Variants in TMEM165 observed in about 807,000 individuals in gnomAD.
TMEM165 encodes the protein putative divalent cation/proton antiporter TMEM165.
In TMEM165, 19 loss-of-function variants were observed where a neutral mutation model predicts 30.0. The observed-to-expected ratio is 0.63, with a 90% confidence interval of 0.44 to 0.93. The LOEUF (loss-of-function observed/expected upper bound fraction) is 0.93. TMEM165 is among the 40% of genes least tolerant of loss of function. TMEM165 has a pLI of 0.00. For missense variants in TMEM165, 340 were observed against 417.0 expected (o/e 0.82, Z 1.61); for synonymous variants, 168 against 162.9 (o/e 1.03, Z -0.24).
intron 2 of TMEM165, chr4:55,412,619 T>C (rs904237163): frequency 4.6e-5 from 7 of 152,102 alleles, no homozygotes; most frequent in Non-Finnish European, 7.4e-5. Flanking sequence ...AAATTTTTGC[T>C]TCAAAATTTA....
intron 1 of TMEM165, among the ~76,000 whole-genome samples, chr4:55,398,710 G>A (rs1578225752): frequency 6.6e-6 from 1 of 152,258 alleles, no homozygotes; most frequent in Middle Eastern, 3.4e-3. Context: ...TGTCTTGAGA[G>A]CATGACTCTG....
chr4:55,435,982 A>T (rs1391609522), intron 3 of TMEM165, among the ~76,000 whole-genome samples: 1 of 152,254 alleles, frequency 6.6e-6, no homozygotes. Flanking sequence ...TGCCTTCTGC[A>T]CACAGGTTCG....
intron 5 of TMEM165, among the ~76,000 whole-genome samples, chr4:55,425,043 GC>G (rs1483593832): frequency 6.6e-6 from 1 of 152,184 alleles, no homozygotes; most frequent in Non-Finnish European, 1.5e-5. Context: ...TCGTCTCTTT[GC>G]TAGTCAGAAG....
chr4:55,430,493 A>G (rs1260127112), downstream of TMEM165: 1 of 152,214 alleles, frequency 6.6e-6, no homozygotes, highest in African/African-American at 2.4e-5. Context: ...ACTGTTTTAA[A>G]TATCCTGAAT....
At position 55,424,940 on chromosome 4, in the gene TMEM165, T is replaced by TAAA. The variant is rs1173605381; in HGVS notation, c.898+297_898+298insAAA. ...TGAGAAGTTTTTGGCTCTAAAAATG[T>TAAA]GTCTTACAAGACTGGAATCATGTGG... is the stretch of plus-strand genomic sequence containing the variant. On this transcript the variant is annotated intron_variant, in intron 5 of 5. Coordinates refer to ENST00000381334, the MANE Select transcript of TMEM165 (RefSeq NM_018475.5). 7.7e-6 allele frequency: 3 copies of TAAA among 390,492 alleles called. No homozygotes were observed. The Admixed American group carries it at 1.3e-4, about 17-fold the overall frequency. 24.2% of individuals were successfully genotyped at this position (390,492 alleles called of 1,614,324 possible).
intron 3 of TMEM165, among the ~76,000 whole-genome samples, chr4:55,450,953 G>A (rs1248756797): frequency 3.3e-5 from 5 of 151,576 alleles, no homozygotes; most frequent in African/African-American, 7.3e-5. Flanking sequence ...TTCATACAGC[G>A]ACACTAATCT....
rs2109509901 is a variant in TMEM165, at chr4:55,396,335, C to A, written c.146C>A (p.Pro49Gln). The A allele has an allele frequency of 6.6e-7, 1 of 1,516,798 alleles. No individual in the cohort carries two copies. Among genetic ancestry groups the A allele is most frequent in the Non-Finnish European group, 8.8e-7 (1 of 1,137,416 alleles). 94.0% of individuals were successfully genotyped at this position (1,516,798 alleles called of 1,614,324 possible). Residue 49 changes from proline (P) to glutamine (Q), a missense_variant, in exon 1 of 6, where the codon CCG (proline) becomes CAG (glutamine). By Grantham distance (76) the Pro-to-Gln change is moderately conservative. Coordinates refer to ENST00000381334, the MANE Select transcript of TMEM165 (RefSeq NM_018475.5). ...LSHRNKEPPA[P>Q]AQQLQPQPVA... ...CACCGGAACAAAGAACCGCCGGCGCCGGCCCAGCAGCTGCAGCCGCAGCCT... is the reference window on the plus strand; with the variant it reads ...CACCGGAACAAAGAACCGCCGGCGCAGGCCCAGCAGCTGCAGCCGCAGCCT...
At chr4:55,450,117 G>T (rs754065025) in intron 3 of TMEM165, 2 of 1,614,032 alleles carry the variant, frequency 1.2e-6, no homozygotes, top group African/African-American at 2.7e-5. Flanking sequence ...GGCCGTGTGA[G>T]ATGATTTTCT....
chr4:55,404,263 C>T (rs915105828), intron 1 of TMEM165, among the ~76,000 whole-genome samples: 6 of 151,910 alleles, frequency 3.9e-5, no homozygotes, highest in African/African-American at 1.5e-4. Context: ...GATCTGTCCA[C>T]CTCGGCCTCC....
chr4:55,442,495 C>G (rs1723450260), intron 3 of TMEM165: 7 of 1,607,806 alleles, frequency 4.4e-6, no homozygotes, highest in Non-Finnish European at 5.9e-6. Context: ...TTGTGGCATA[C>G]TAGATGGAAT....
intron 3 of TMEM165, chr4:55,450,106 C>T (rs371941858): frequency 1.5e-5 from 25 of 1,613,868 alleles, no homozygotes; most frequent in African/African-American, 8.0e-5. Flanking sequence ...GGGTCTGAGA[C>T]GGCCGTGTGA....
intron 2 of TMEM165, among the ~76,000 whole-genome samples, chr4:55,414,007 G>A (rs909578377): frequency 2.0e-5 from 3 of 152,128 alleles, no homozygotes; most frequent in Non-Finnish European, 4.4e-5. Flanking sequence ...GGTGGCTCAC[G>A]CCTGTGATCC....
intron 3 of TMEM165, among the ~76,000 whole-genome samples, chr4:55,442,075 C>CTA (rs1465056161): frequency 1.3e-5 from 2 of 152,066 alleles, no homozygotes; most frequent in African/African-American, 4.8e-5. Context: ...AAAAGGTAAG[C>CTA]TACCCTAACC....
intron 3 of TMEM165, among the ~76,000 whole-genome samples, chr4:55,442,975 A>G (rs1314380048): frequency 6.6e-6 from 1 of 152,212 alleles, no homozygotes; most frequent in East Asian, 1.9e-4. Flanking sequence ...TGGGATTTAC[A>G]GTCACAGATC....
exon 4 of TMEM165, chr4:55,452,854 T>A: frequency 2.1e-6 from 1 of 468,902 alleles, no homozygotes; most frequent in East Asian, 3.8e-5. Context: ...ATCAGACACA[T>A]CTCTCATCCA....
rs1276367824 is a variant in TMEM165 at position 55,425,452 on chromosome 4, A to G, written c.975A>G (p.Ter325=). The change falls in exon 6 of 6, where the codon TAA becomes TAG. Residue 325 remains the stop codon, a stop_retained_variant. Coordinates refer to ENST00000381334, the MANE Select transcript of TMEM165 (RefSeq NM_018475.5). ...ALFISPDSGF[*] ...TTATAAGCCCTGATTCTGGTTTTTAACAAGCTGTTTGTTCATCTATATTTA... is the reference window on the plus strand; with the variant it reads ...TTATAAGCCCTGATTCTGGTTTTTAGCAAGCTGTTTGTTCATCTATATTTA... 2 of 1,592,892 alleles carry G rather than the reference A, an allele frequency of 1.3e-6. No homozygotes were observed. The highest frequency in any genetic ancestry group is 1.8e-5 in the Admixed American group (1 of 56,830).
chr4:55,450,135 C>G lies in TMEM165; in HGVS notation c.409-2104C>G, dbSNP rs772672954. On this transcript the variant is annotated intron_variant, in intron 3 of 3. Coordinates refer to the TMEM165 transcript ENST00000608091. Reference sequence around the variant, plus strand: ...CGTGTGAGATGATTTTCTTGAACTCCGAGAAGAGGCAGAAGGGGTTGGGCT... The same window carrying G: ...CGTGTGAGATGATTTTCTTGAACTCGGAGAAGAGGCAGAAGGGGTTGGGCT... 1.9e-6 allele frequency: 3 copies of G among 1,613,958 alleles called. No individual in the cohort carries two copies. Among genetic ancestry groups the G allele is most frequent in the Non-Finnish European group, 2.5e-6 (3 of 1,179,990 alleles).
At chr4:55,398,929 T>G (rs947437892) in intron 1 of TMEM165, 28 of 152,182 alleles carry the variant, frequency 1.8e-4, no homozygotes, top group African/African-American at 6.3e-4. Flanking sequence ...AACCTTTTTT[T>G]TTTAAGTTGC....
At chr4:55,426,889 A>G (rs558016857), downstream of TMEM165, among the ~76,000 whole-genome samples, 3 of 152,358 alleles carry the variant, frequency 2.0e-5, no homozygotes, top group African/African-American at 7.2e-5. Context: ...TTGGTAAAAA[A>G]GGTCATATTT....
Sources: gnomAD v4.1 joint callset for allele counts (sites outside exome capture counted in the v4.1 genomes callset) on GRCh38, gnomAD v4.1.1 for gene constraint, MANE v1.5 for transcripts, NCBI Gene and HGNC (gene_info 2026-07-23, HGNC 2026-07-21) for gene names.